The following ADCY8 variants were observed in gnomAD, a reference collection of about 807,000 sequenced individuals.
The protein encoded by ADCY8 is adenylate cyclase type 8.
Under a neutral mutation model 119.7 loss-of-function variants are expected in ADCY8, and 51 were observed. That is an observed-to-expected ratio of 0.43 (90% CI 0.34 to 0.54). The LOEUF (loss-of-function observed/expected upper bound fraction) is 0.54. Ranked by LOEUF, ADCY8 falls within the 20% of genes least tolerant of loss-of-function variation. The pLI is 0.03. For synonymous variants in ADCY8, 665 were observed against 651.0 expected, an observed-to-expected ratio of 1.02 and a Z score of -0.33; for missense variants, 1,383 against 1,598.8, an observed-to-expected ratio of 0.87 and a Z score of 2.30.
Position 131,040,573 on chromosome 8 carries a change from A to G in ADCY8, c.-240T>C, listed in dbSNP as rs906869849. 8 of 402,180 alleles carry G rather than the reference A, an allele frequency of 2.0e-5. No individual in the cohort carries two copies. Among genetic ancestry groups the G allele is most frequent in the African/African-American group, 1.2e-4 (6 of 48,458 alleles). The allele number at this position is 402,180 out of a possible 1,614,324, so 24.9% of individuals were successfully genotyped here. ...CGTCCTTGCGTGCTGCTCTCCCGCC[A>G]GCCGGCGCAGCTTGGGTACGCAGCG... On this transcript the variant is annotated 5_prime_UTR_variant, in exon 1 of 18. Coordinates refer to ENST00000286355, the MANE Select transcript of ADCY8 (RefSeq NM_001115.3).
intron 11 of ADCY8, among the ~76,000 whole-genome samples, chr8:130,842,152 G>A (rs563088973): frequency 1.1e-3 from 161 of 152,292 alleles, no homozygotes; most frequent in Middle Eastern, 0.01. Flanking sequence ...TGAAAAATCT[G>A]CTGTTATTCA....
At chr8:130,885,278 G>C (rs1044393180) in intron 7 of ADCY8, among the ~76,000 whole-genome samples, 2 of 151,374 alleles carry the variant, frequency 1.3e-5, no homozygotes, top group African/African-American at 4.9e-5. Flanking sequence ...GCCAGGATCT[G>C]CTCCTTAAAC....
In ADCY8 at chr8:130,847,502, A is replaced by G. The variant is rs1244561192; in HGVS notation, c.2424T>C (p.Asp808=). 3.1e-6 allele frequency: 5 copies of G among 1,611,378 alleles called. No individual in the cohort carries two copies. The highest frequency in any genetic ancestry group is 4.2e-6 in the Non-Finnish European group (5 of 1,178,854). ...LGAILNILWC[D]FDKSIPLKNL... The stretch of plus-strand genomic sequence containing the variant: ...TCTTCAAGGGTATCGACTTGTCAAA[A>G]TCACACCACAGCTGCGGATTAAAAA... The change falls in exon 11 of 18, where the codon GAT becomes GAC. Residue 808 remains aspartate, a synonymous_variant. Coordinates refer to ENST00000286355, the MANE Select transcript of ADCY8 (RefSeq NM_001115.3).
At chr8:130,787,319 T>C (rs541342713) in intron 15 of ADCY8, among the ~76,000 whole-genome samples, 10 of 152,212 alleles carry the variant, frequency 6.6e-5, no homozygotes, top group Admixed American at 5.9e-4. Context: ...GAGTCAGATA[T>C]ATGGATATTT....
chr8:130,909,039 ACCAT>A (rs1554615207), intron 6 of ADCY8, among the ~76,000 whole-genome samples: 1 of 63,886 alleles, frequency 1.6e-5, no homozygotes, highest in African/African-American at 4.2e-5. Context: ...CCATCCATCC[ACCAT>A]CCATCCATCC....
chr8:130,813,968 A>T, intron 14 of ADCY8, 101 bp downstream of exon 14: 2 of 1,446,952 alleles, frequency 1.4e-6, no homozygotes, highest in South Asian at 2.5e-5. Flanking sequence ...ATGCACTCAC[A>T]TGATGACAGT....
At chr8:130,947,285 T>C (rs183382106) in intron 3 of ADCY8, among the ~76,000 whole-genome samples, 439 of 152,306 alleles carry the variant, frequency 2.9e-3, no homozygotes, top group Middle Eastern at 0.01. Flanking sequence ...GTGTTCGGTG[T>C]TCCAATATCA....
intron 2 of ADCY8, among the ~76,000 whole-genome samples, chr8:130,968,391 T>A (rs10094213): frequency 6.6e-5 from 10 of 152,004 alleles, no homozygotes; most frequent in Non-Finnish European, 1.5e-4. Context: ...CAGAAGGGTC[T>A]CGATCTCCTG....
intron 2 of ADCY8, among the ~76,000 whole-genome samples, chr8:130,970,336 C>T (rs141188895): frequency 1.1e-4 from 17 of 152,262 alleles, no homozygotes; most frequent in East Asian, 5.8e-4. Context: ...CTCATAGGAG[C>T]GCAAACCCTA....
chr8:130,859,760 C>T (rs60300533), intron 9 of ADCY8, among the ~76,000 whole-genome samples: 9,106 of 152,266 alleles, frequency 0.06, 564 homozygotes, highest in African/African-American at 0.16. Context: ...ATACTGAATG[C>T]ACTACCCTAA....
intron 1 of ADCY8, among the ~76,000 whole-genome samples, chr8:131,013,023 A>C (rs1305208416): frequency 6.6e-6 from 1 of 152,150 alleles, no homozygotes; most frequent in Non-Finnish European, 1.5e-5. Flanking sequence ...AACCTAATCA[A>C]TGGATTTAAT....
chr8:130,829,700 T>C (rs1168442390), intron 12 of ADCY8, among the ~76,000 whole-genome samples: 1 of 152,230 alleles, frequency 6.6e-6, no homozygotes, highest in Non-Finnish European at 1.5e-5. Flanking sequence ...TTTAAGCATG[T>C]CTTACATGGT....
chr8:131,030,140 A>G (rs1404491046), intron 1 of ADCY8, among the ~76,000 whole-genome samples: 1 of 152,134 alleles, frequency 6.6e-6, no homozygotes, highest in Non-Finnish European at 1.5e-5. Context: ...CTTACTGTCT[A>G]CCCATGTTTG....
At chr8:130,859,147 C>G (rs948250869) in intron 9 of ADCY8, among the ~76,000 whole-genome samples, 1 of 152,126 alleles carries the variant, frequency 6.6e-6, no homozygotes, top group African/African-American at 2.4e-5. Flanking sequence ...GCCCTCTCCA[C>G]TGACAGAGGA....
intron 17 of ADCY8, among the ~76,000 whole-genome samples, chr8:130,782,086 T>C (rs1509857): frequency 0.61 from 92,522 of 151,384 alleles, 29,111 homozygotes; most frequent in African/African-American, 0.73. Context: ...GAAGAGAGTA[T>C]ATCTCGGAGT....
At chr8:130,790,919 TC>T (rs1157754877) in intron 15 of ADCY8, among the ~76,000 whole-genome samples, 2 of 152,176 alleles carry the variant, frequency 1.3e-5, no homozygotes, top group East Asian at 3.9e-4. Context: ...CCTTTGAATT[TC>T]CCCAGAGTAA....
intron 3 of ADCY8, among the ~76,000 whole-genome samples, chr8:130,946,040 A>G (rs1180354596): frequency 6.6e-6 from 1 of 152,216 alleles, no homozygotes; most frequent in Non-Finnish European, 1.5e-5. Context: ...AGTCATTGCT[A>G]TGACAGGTGG....
chr8:130,803,330 A>G (rs1815841069), intron 14 of ADCY8, among the ~76,000 whole-genome samples: 1 of 152,184 alleles, frequency 6.6e-6, no homozygotes, highest in South Asian at 2.1e-4. Context: ...CTTTGCAGTG[A>G]CCTCAAAAAC....
intron 15 of ADCY8, among the ~76,000 whole-genome samples, chr8:130,786,176 T>C (rs556815544): frequency 2.4e-4 from 37 of 152,324 alleles, no homozygotes; most frequent in African/African-American, 8.7e-4. Flanking sequence ...ATTGTCCTCT[T>C]CCTCTAGGGA....
Sources: gnomAD v4.1 joint callset for allele counts (sites outside exome capture counted in the v4.1 genomes callset) on GRCh38, gnomAD v4.1.1 for gene constraint, MANE v1.5 for transcripts, NCBI Gene and HGNC (gene_info 2026-07-23, HGNC 2026-07-21) for gene names.